Variants in KLHL13 observed in about 807,000 individuals in gnomAD.
The protein encoded by KLHL13 is kelch-like protein 13.
In KLHL13, 10 loss-of-function variants were observed where a neutral mutation model predicts 37.1. The observed-to-expected ratio is 0.27, with a 90% CI of 0.17 to 0.46. The LOEUF (loss-of-function observed/expected upper bound fraction) is 0.46. Among genes scored for constraint, KLHL13 ranks in the 20% least tolerant of loss-of-function variants. KLHL13 has a pLI of 1.00. For missense variants in KLHL13, 360 were observed against 509.3 expected (o/e 0.71, Z 2.82); for synonymous variants, 163 against 181.2 (o/e 0.90, Z 0.81).
chrX:117,961,334 T>C (rs748000745), intron 1 of KLHL13, among the ~76,000 whole-genome samples: 1 of 112,077 alleles, frequency 8.9e-6, no homozygotes, highest in East Asian at 2.8e-4. Flanking sequence ...ATAAATATGG[T>C]TTAGTTACAG....
At chrX:117,966,858 T>C (rs922258256) in intron 1 of KLHL13, among the ~76,000 whole-genome samples, 1 of 111,885 alleles carries the variant, frequency 8.9e-6, no homozygotes, top group Non-Finnish European at 1.9e-5. Flanking sequence ...GCTAGCCATA[T>C]GGAGAAAGCT....
intron 2 of KLHL13, among the ~76,000 whole-genome samples, chrX:117,927,233 C>G (rs949393406): frequency 9.0e-6 from 1 of 111,328 alleles, no homozygotes; most frequent in Non-Finnish European, 1.9e-5. Context: ...ATTCTCAAAG[C>G]TCAGAGAGCT....
intron 2 of KLHL13, among the ~76,000 whole-genome samples, chrX:117,945,073 T>C (rs921977120): frequency 4.5e-5 from 5 of 110,975 alleles, no homozygotes; most frequent in Non-Finnish European, 9.5e-5. Context: ...TTACTTTGAT[T>C]GCTATGGAAT....
chrX:118,071,121 G>GTA (rs1466342574), intron 1 of KLHL13, among the ~76,000 whole-genome samples: 7 of 111,940 alleles, frequency 6.3e-5, no homozygotes, highest in Non-Finnish European at 1.9e-5. Context: ...ATTCCATGGT[G>GTA]TATATGTGCC....
exon 5 of KLHL13, chrX:117,910,017 C>T: frequency 8.3e-7 from 1 of 1,208,268 alleles, no homozygotes; most frequent in Non-Finnish European, 1.1e-6. Context: ...CAAGACGAAA[C>T]TGTTAACGTA....
intron 1 of KLHL13, among the ~76,000 whole-genome samples, chrX:118,011,853 G>A (rs73637168): frequency 1.8e-5 from 2 of 112,138 alleles, no homozygotes; most frequent in East Asian, 2.8e-4. Context: ...TATTAACAGC[G>A]CTTTCAGTGC....
At chrX:118,101,379 A>G (rs1322821513) in intron 1 of KLHL13, among the ~76,000 whole-genome samples, 3 of 111,688 alleles carry the variant, frequency 2.7e-5, no homozygotes, top group Non-Finnish European at 5.6e-5. Context: ...GACAGACAAT[A>G]CAGATAACTG....
intron 1 of KLHL13, among the ~76,000 whole-genome samples, chrX:118,112,936 A>C (rs2055428450): frequency 8.9e-6 from 1 of 112,430 alleles, no homozygotes; most frequent in Non-Finnish European, 1.9e-5. Context: ...TAAAATTCCA[A>C]AGGCCCTTTC....
chrX:118,045,303 G>A (rs1254148537), intron 1 of KLHL13, among the ~76,000 whole-genome samples: 1 of 106,819 alleles, frequency 9.4e-6, no homozygotes, highest in Non-Finnish European at 1.9e-5. Flanking sequence ...GAACCTGGGA[G>A]GTGGAGCTTG....
chrX:117,983,506 C>T (rs1489622119), intron 1 of KLHL13: 1 of 1,149,017 alleles, frequency 8.7e-7, no homozygotes, highest in African/African-American at 1.8e-5. Flanking sequence ...TGAATATATC[C>T]TTGAAATCGG....
At chrX:118,104,221 C>CA (rs992354562) in intron 1 of KLHL13, among the ~76,000 whole-genome samples, 2 of 109,588 alleles carry the variant, frequency 1.8e-5, no homozygotes, top group African/African-American at 3.3e-5. Flanking sequence ...AACCCTGTCT[C>CA]AAAAAAAAGA....
Position 117,926,885 on chromosome X carries a change from C to CTTTTTTTTTTT in KLHL13, c.241-6526_241-6516dup, listed in dbSNP as rs10596292. Among the ~76,000 whole-genome samples, 28 of 26,164 alleles carry CTTTTTTTTTTT rather than the reference C, an allele frequency of 1.1e-3. 4 individuals are homozygous for CTTTTTTTTTTT. Among genetic ancestry groups the CTTTTTTTTTTT allele is most frequent in the Non-Finnish European group, 1.6e-3 (19 of 12,100 alleles). 22.7% of individuals were successfully genotyped at this position (26,164 alleles called of 115,157 possible). Reference sequence around the variant, plus strand: ...AAGCTCCAGGAGAAGCCCCCTACTTCTTTTTTTTTTTTTTTTTTTTTTTTT... The same window carrying CTTTTTTTTTTT: ...AAGCTCCAGGAGAAGCCCCCTACTTCTTTTTTTTTTTTTTTTTTTTTTTTTTTTTTTTTTTT... On this transcript the variant is annotated intron_variant, in intron 2 of 6. Transcript: ENST00000262820.
At chrX:117,986,820 C>T (rs1314650921) in intron 1 of KLHL13, among the ~76,000 whole-genome samples, 2 of 111,755 alleles carry the variant, frequency 1.8e-5, no homozygotes, top group African/African-American at 6.5e-5. Flanking sequence ...AGAAACCACG[C>T]ATTCTTGCTA....
intron 1 of KLHL13, among the ~76,000 whole-genome samples, chrX:117,952,247 C>A (rs1409721111): frequency 3.6e-5 from 4 of 111,206 alleles, no homozygotes; most frequent in Non-Finnish European, 5.7e-5. Flanking sequence ...AGAAATAATG[C>A]CGCATATCTA....
At position 118,085,434 on chromosome X, in the gene KLHL13, T is replaced by G. The variant is rs79139289; in HGVS notation, c.-56+31074A>C. ...TGGGATGAGTAAAAGGAGATAGATA[T>G]ATATATATATTTCAATAGTTTGGGG... On this transcript the variant is annotated intron_variant, in intron 1 of 6. Transcript: ENST00000371882. Among the ~76,000 whole-genome samples the G allele has an allele frequency of 8.6e-3, 949 of 110,603 alleles. 13 individuals are homozygous for G. The highest frequency in any genetic ancestry group is 0.03 in the African/African-American group (904 of 30,375).
chrX:118,070,435 T>C (rs1376816566), intron 1 of KLHL13, among the ~76,000 whole-genome samples: 2 of 112,248 alleles, frequency 1.8e-5, no homozygotes, highest in African/African-American at 6.5e-5. Flanking sequence ...TTTAGCATAA[T>C]TGCACAGTAA....
In KLHL13 at chrX:118,076,556, G is replaced by A. The variant is rs189843161; in HGVS notation, c.-56+39952C>T. Reference sequence around the variant, plus strand: ...AGAGACTTGTGGAGCATCTTGTAGAGAAAAAAAGGTCTCATGGTTAATTTA... The same window carrying A: ...AGAGACTTGTGGAGCATCTTGTAGAAAAAAAAAGGTCTCATGGTTAATTTA... On this transcript the variant is annotated intron_variant, in intron 1 of 6. Coordinates refer to the KLHL13 transcript ENST00000371882. 7.8e-3 allele frequency among the ~76,000 whole-genome samples: 869 copies of A among 111,098 alleles called. 12 individuals are homozygous for A. Among genetic ancestry groups the A allele is most frequent in the African/African-American group, 0.026 (799 of 30,627 alleles).
intron 3 of KLHL13, 68 bp downstream of exon 4, chrX:117,920,170 A>G: frequency 3.7e-6 from 4 of 1,089,395 alleles, no homozygotes; most frequent in Non-Finnish European, 5.0e-6. Context: ...GTTAGAAATA[A>G]AAAAGATTTA....
intron 1 of KLHL13, among the ~76,000 whole-genome samples, chrX:118,016,318 G>A (rs899312512): frequency 5.4e-5 from 6 of 111,101 alleles, no homozygotes; most frequent in Non-Finnish European, 7.6e-5. Context: ...TATACATTAC[G>A]TCAGTACAAA....
Sources: allele counts gnomAD v4.1 joint callset (sites outside exome capture counted in the v4.1 genomes callset), GRCh38; gene constraint gnomAD v4.1.1; transcripts MANE v1.5; gene names NCBI Gene and HGNC (gene_info 2026-07-23, HGNC 2026-07-21).